Variants in CAMTA1 observed in about 807,000 individuals in gnomAD.
CAMTA1 encodes calmodulin binding transcription activator 1, also known as calmodulin-binding transcription activator 1.
CAMTA1 carries 27 observed loss-of-function variants against 170.9 expected under a neutral mutation model. The ratio of observed to expected loss-of-function variants is 0.16; its 90% CI spans 0.12 to 0.22. The LOEUF (loss-of-function observed/expected upper bound fraction) is 0.22. Among genes scored for constraint, CAMTA1 ranks in the 10% least tolerant of loss-of-function variants. The pLI, the probability that CAMTA1 is intolerant of heterozygous loss-of-function variation, is 1.00. For synonymous variants in CAMTA1, 833 were observed against 891.5 expected, an observed-to-expected ratio of 0.93 and a Z score of 1.17; for missense variants, 1,619 against 2,217.2, an observed-to-expected ratio of 0.73 and a Z score of 5.42.
intron 5 of CAMTA1, among the ~76,000 whole-genome samples, chr1:7,353,024 TCGCCC>T (rs2084802832): frequency 6.6e-6 from 1 of 152,194 alleles, no homozygotes. Flanking sequence ...TCAGAGGCCA[TCGCCC>T]TTGACCGCCT....
At chr1:7,501,081 G>A (rs575510903) in intron 6 of CAMTA1, among the ~76,000 whole-genome samples, 18 of 152,232 alleles carry the variant, frequency 1.2e-4, no homozygotes, top group African/African-American at 2.4e-4. Flanking sequence ...CCTGTGCCAC[G>A]CGCCACCCCT....
At chr1:7,619,482 C>A (rs2095582393) in intron 6 of CAMTA1, among the ~76,000 whole-genome samples, 1 of 152,206 alleles carries the variant, frequency 6.6e-6, no homozygotes, top group African/African-American at 2.4e-5. Context: ...CAGTGAAAAA[C>A]CCTCTCCTGG....
intron 5 of CAMTA1, among the ~76,000 whole-genome samples, chr1:7,284,286 C>A (rs1474890600): frequency 1.3e-5 from 2 of 151,372 alleles, no homozygotes; most frequent in East Asian, 1.9e-4. Flanking sequence ...TCACTGCAAC[C>A]TTTGCCTCCC....
chr1:7,734,296 T>TG (rs1195328128), intron 12 of CAMTA1, among the ~76,000 whole-genome samples: 1 of 152,210 alleles, frequency 6.6e-6, no homozygotes, highest in Non-Finnish European at 1.5e-5. Context: ...ATTTACCTCA[T>TG]GGCTCACATA....
intron 4 of CAMTA1, among the ~76,000 whole-genome samples, chr1:7,192,302 A>T (rs1226371167): frequency 6.6e-6 from 1 of 152,164 alleles, no homozygotes; most frequent in Non-Finnish European, 1.5e-5. Context: ...TTGGTGTGCT[A>T]TGGCGTCTGA....
chr1:6,952,550 A>G (rs1434789693), intron 3 of CAMTA1, among the ~76,000 whole-genome samples: 5 of 151,748 alleles, frequency 3.3e-5, no homozygotes, highest in Admixed American at 1.3e-4. Flanking sequence ...AAAAACAACT[A>G]TTTGGCCAGG....
Position 7,435,494 on chromosome 1 carries a change from G to A in CAMTA1, c.439-32336G>A, listed in dbSNP as rs914798289. Among the ~76,000 whole-genome samples, 22 of 152,188 alleles carry A rather than the reference G, an allele frequency of 1.4e-4. No individual in the cohort carries two copies. Among genetic ancestry groups the A allele is most frequent in the Non-Finnish European group, 4.4e-5 (3 of 68,032 alleles). On this transcript the variant is annotated intron_variant, in intron 5 of 22. Coordinates refer to ENST00000303635, the MANE Select transcript of CAMTA1 (RefSeq NM_015215.4). This position sits in a 1 kb window ranked among gnomAD's most constrained non-coding sequence, Gnocchi z 4.4. Reference sequence around the variant, plus strand: ...GAACCTTCCGGTTTGTTGAGGGTTGGGTCATCATCCCCTCTGTTACCCTGA... The same window carrying A: ...GAACCTTCCGGTTTGTTGAGGGTTGAGTCATCATCCCCTCTGTTACCCTGA...
intron 3 of CAMTA1, among the ~76,000 whole-genome samples, chr1:6,877,760 CCTTTTGAGTA>C (rs1286082409): frequency 6.6e-6 from 1 of 152,160 alleles, no homozygotes; most frequent in Non-Finnish European, 1.5e-5. Flanking sequence ...CTGTGTGGAT[CCTTTTGAGTA>C]CTTTATACCT....
intron 11 of CAMTA1, among the ~76,000 whole-genome samples, chr1:7,695,217 G>A (rs1456193866): frequency 2.6e-5 from 4 of 152,108 alleles, no homozygotes; most frequent in Admixed American, 2.0e-4. Context: ...GAAGCCCCCA[G>A]CACTCTGGAA....
At position 7,266,009 on chromosome 1, in the gene CAMTA1, G is replaced by C. The variant is rs1668865453; in HGVS notation, c.438+16383G>C. 2.6e-5 allele frequency among the ~76,000 whole-genome samples: 4 copies of C among 152,252 alleles called. No homozygotes were observed. In the South Asian group the frequency reaches 8.3e-4, roughly 32 times the overall value. ...TAAGAAAGTGGAGCTCTCTTCCCTTGACAGTACTTGGCTGTTGCTTCTAGC... is the reference window on the plus strand; with the variant it reads ...TAAGAAAGTGGAGCTCTCTTCCCTTCACAGTACTTGGCTGTTGCTTCTAGC... On this transcript the variant is annotated intron_variant, in intron 5 of 22. Transcript: ENST00000303635.
chr1:7,645,948 G>C (rs916579123), intron 7 of CAMTA1, among the ~76,000 whole-genome samples: 1 of 152,280 alleles, frequency 6.6e-6, no homozygotes, highest in African/African-American at 2.4e-5. Context: ...AGGTGGTGGA[G>C]GCCATAGTAA....
Position 7,093,252 on chromosome 1 carries a change from C to A in CAMTA1, c.302+1881C>A, listed in dbSNP as rs1641693526. On this transcript the variant is annotated intron_variant, in intron 4 of 22. Coordinates refer to ENST00000303635, the MANE Select transcript of CAMTA1 (RefSeq NM_015215.4). The surrounding 1 kb of genome is among the most constrained non-coding windows in gnomAD (Gnocchi z 4.6). ...GCAGGTGCGGTGCAGGGGGCCTGAACATGTGTTATTTCTAACAAGCTCCCA... is the reference window on the plus strand; with the variant it reads ...GCAGGTGCGGTGCAGGGGGCCTGAAAATGTGTTATTTCTAACAAGCTCCCA... Among the ~76,000 whole-genome samples the A allele has an allele frequency of 6.6e-6, 1 of 152,124 alleles. No individual in the cohort carries two copies. The highest frequency in any genetic ancestry group is 1.5e-5 in the Non-Finnish European group (1 of 68,026).
In CAMTA1 at chr1:7,680,533, C is replaced by T. The variant is rs1323876970; in HGVS notation, c.2914+2800C>T. Among the ~76,000 whole-genome samples, 1 of 151,570 alleles carries T rather than the reference C, an allele frequency of 6.6e-6. No individual in the cohort carries two copies. The highest frequency in any genetic ancestry group is 1.5e-5 in the Non-Finnish European group (1 of 67,846). ...CGGAACTGCTGGCGGCGCCGCGCCCCGCGGGGTCTGGGGCCCCAGCAGGGA... is the reference window on the plus strand; with the variant it reads ...CGGAACTGCTGGCGGCGCCGCGCCCTGCGGGGTCTGGGGCCCCAGCAGGGA... On this transcript the variant is annotated intron_variant, in intron 11 of 22. Coordinates refer to ENST00000303635, the MANE Select transcript of CAMTA1 (RefSeq NM_015215.4). This position sits in a 1 kb window ranked among gnomAD's most constrained non-coding sequence, Gnocchi z 4.4.
chr1:7,640,042 G>T (rs141881449), intron 6 of CAMTA1, among the ~76,000 whole-genome samples: 1 of 152,170 alleles, frequency 6.6e-6, no homozygotes, highest in South Asian at 2.1e-4. Context: ...CCTCATGCCC[G>T]TGGTTCCCAG....
At chr1:6,976,808 C>A (rs1693510889) in intron 3 of CAMTA1, among the ~76,000 whole-genome samples, 1 of 152,180 alleles carries the variant, frequency 6.6e-6, no homozygotes. Context: ...AATTGTAACT[C>A]CCATAATTCC....
chr1:6,890,806 C>G (rs922055177), intron 3 of CAMTA1, among the ~76,000 whole-genome samples: 2 of 152,150 alleles, frequency 1.3e-5, no homozygotes, highest in Admixed American at 6.6e-5. Flanking sequence ...CTCTTGGCCT[C>G]AAGCAGTTTT....
intron 3 of CAMTA1, among the ~76,000 whole-genome samples, chr1:7,034,568 A>C (rs1442368085): frequency 2.0e-5 from 3 of 152,160 alleles, no homozygotes; most frequent in Admixed American, 2.0e-4. Flanking sequence ...ACAGCTCTGG[A>C]GTTCTCTGTG....
At chr1:7,752,629 C>G in intron 21 of CAMTA1, 96 bp downstream of exon 21, 2 of 940,900 alleles carry the variant, frequency 2.1e-6, no homozygotes, top group Non-Finnish European at 3.1e-6. Context: ...AAGCTAATCC[C>G]CCTGCAGATA....
Position 7,663,649 on chromosome 1 carries a change from A to G in CAMTA1, c.1102A>G (p.Ser368Gly). ...SPVSISSGLN[S>G]DPDMVDSPVV... ...TGTGTCCATCAGCAGCGGGCTCAAC[A>G]GCGACCCGGACATGGTGGACAGCCC... The change falls in exon 9 of 23, where the codon AGC (serine) becomes GGC (glycine). Residue 368 changes from serine to glycine, a missense_variant. Physicochemically the swap from Ser to Gly is moderately conservative, Grantham distance 56. Transcript: ENST00000303635. 2.5e-6 allele frequency: 4 copies of G among 1,614,118 alleles called. No individual in the cohort carries two copies. Among genetic ancestry groups the G allele is most frequent in the Non-Finnish European group, 3.4e-6 (4 of 1,180,022 alleles).
Sources: gnomAD v4.1 joint callset for allele counts (sites outside exome capture counted in the v4.1 genomes callset) on GRCh38, gnomAD v4.1.1 for gene constraint, Gnocchi (gnomAD v3.1) non-coding constraint, MANE v1.5 for transcripts, NCBI Gene and HGNC (gene_info 2026-07-23, HGNC 2026-07-21) for gene names.